CIAO3: variants seen among roughly 807,000 people sequenced by gnomAD.
CIAO3 encodes LET1 like/JFP15.
In CIAO3, 45 loss-of-function variants were observed where a neutral mutation model predicts 51.5. That is an observed-to-expected ratio of 0.87 (90% CI 0.69 to 1.12). CIAO3 has a LOEUF of 1.12. CIAO3 is among the 50% of genes most tolerant of loss of function. The probability of loss-of-function intolerance (pLI) is 0.00; values close to 1 mark genes in which losing one functional copy is unlikely to be tolerated. For synonymous variants in CIAO3, 314 were observed against 269.3 expected (o/e 1.17, Z -1.63); for missense variants, 668 against 632.5 (o/e 1.06, Z -0.60).
rs988890064 is a variant in CIAO3, at chr16:737,908, C to T, written c.163-579G>A. The T allele has an allele frequency of 1.7e-6, 2 of 1,182,216 alleles. No homozygotes were observed. Among genetic ancestry groups the T allele is most frequent in the Non-Finnish European group, 2.1e-6 (2 of 938,424 alleles). 73.2% of individuals were successfully genotyped at this position (1,182,216 alleles called of 1,614,324 possible). On this transcript the variant is annotated intron_variant, in intron 2 of 10. Transcript: ENST00000251588. The surrounding 1 kb of genome is among the most constrained non-coding windows in gnomAD (Gnocchi z 5.3). ...ACTTTTCTTACATGCAAAACGCACC[C>T]AGCTCGAGCTCCCCCAACTTCTCCT... is the stretch of plus-strand genomic sequence containing the variant.
At chr16:731,122 T>C in intron 9 of CIAO3, 122 bp from the exon 10 acceptor site, 2 of 1,274,032 alleles carry the variant, frequency 1.6e-6, no homozygotes, top group Non-Finnish European at 2.2e-6. Flanking sequence ...TCTCCCTCTC[T>C]CCTGGGCAGA....
Position 737,428 on chromosome 16 carries a change from G to A in CIAO3, c.163-99C>T, listed in dbSNP as rs2151603671. 1 of 1,586,758 alleles carries A rather than the reference G, an allele frequency of 6.3e-7. No individual in the cohort carries two copies. The highest frequency in any genetic ancestry group is 1.3e-5 in the African/African-American group (1 of 74,412). ...CAGCTCATAACCGACAACCAACATG[G>A]CTGCTGGCTGGGCTTGTGTGCCGCT... On this transcript the variant is annotated intron_variant, in intron 2 of 10. Transcript: ENST00000251588. The surrounding 1 kb of genome is among the most constrained non-coding windows in gnomAD (Gnocchi z 5.3).
intron 8 of CIAO3, 110 bp downstream of exon 8, chr16:732,191 T>C (rs1454086771): frequency 4.9e-6 from 6 of 1,213,164 alleles, no homozygotes; most frequent in Non-Finnish European, 7.0e-6. Context: ...CAGCCACTTC[T>C]GTGGACGCCA....
chr16:731,281 T>A (rs1328973433), intron 9 of CIAO3: 2 of 609,056 alleles, frequency 3.3e-6, no homozygotes, highest in Admixed American at 3.2e-5. Context: ...TGGGATGTGG[T>A]CGCGTGCCTG....
intron 9 of CIAO3, 81 bp downstream of exon 9, chr16:731,484 G>T: frequency 6.9e-7 from 1 of 1,440,028 alleles, no homozygotes. Context: ...TCTGTGGGAG[G>T]ACCCCAGGGG....
chr16:730,763 C>T, intron 10 of CIAO3, 80 bp downstream of exon 10: 1 of 1,585,220 alleles, frequency 6.3e-7, no homozygotes. Flanking sequence ...CCACTTCCTC[C>T]CACTCCCAGC....
chr16:734,996 C>G, intron 4 of CIAO3, 125 bp from the exon 5 acceptor site: 1 of 1,323,834 alleles, frequency 7.6e-7, no homozygotes, highest in Non-Finnish European at 1.0e-6. Context: ...GTGCCAAAGC[C>G]CCGGCCCCAC....
intron 4 of CIAO3, 135 bp from the exon 5 acceptor site, chr16:735,006 C>T: frequency 8.1e-7 from 1 of 1,239,216 alleles, no homozygotes; most frequent in Non-Finnish European, 1.1e-6. Flanking sequence ...CCCGGCCCCA[C>T]CGTGGGGACC....
chr16:732,765 T>C (rs1189719586), intron 7 of CIAO3: 1 of 347,954 alleles, frequency 2.9e-6, no homozygotes, highest in Non-Finnish European at 5.6e-6. Context: ...GCCTCCCGAG[T>C]AGCTGGGATT....
Position 737,921 on chromosome 16 carries a change from C to A in CIAO3, c.163-592G>T. 3.4e-6 allele frequency: 4 copies of A among 1,181,998 alleles called. No homozygotes were observed. The highest frequency in any genetic ancestry group is 4.3e-6 in the Non-Finnish European group (4 of 938,482). 73.2% of individuals were successfully genotyped at this position (1,181,998 alleles called of 1,614,324 possible). A position where few individuals can be genotyped will look rare whatever the true frequency, so the allele number is the denominator to read the frequency against. ...GCAAAACGCACCCAGCTCGAGCTCCCCCAACTTCTCCTGCAAAGGCAGGAA... is the reference window on the plus strand; with the variant it reads ...GCAAAACGCACCCAGCTCGAGCTCCACCAACTTCTCCTGCAAAGGCAGGAA... On this transcript the variant is annotated intron_variant, in intron 2 of 10. Coordinates refer to ENST00000251588, the MANE Select transcript of CIAO3 (RefSeq NM_022493.3). This position sits in a 1 kb window ranked among gnomAD's most constrained non-coding sequence, Gnocchi z 5.3.
chr16:738,930 C>T (rs1414083855), intron 2 of CIAO3, among the ~76,000 whole-genome samples: 1 of 149,410 alleles, frequency 6.7e-6, no homozygotes, highest in Admixed American at 6.6e-5. Context: ...AAGCGTGAGC[C>T]ACCGCGCCCA....
chr16:732,258 G>A (rs768257200), intron 8 of CIAO3, 43 bp downstream of exon 8: 12 of 1,563,240 alleles, frequency 7.7e-6, no homozygotes, highest in Admixed American at 1.7e-5. Context: ...CAGAGGCAGC[G>A]TTAGAAGCTA....
chr16:731,991 C>T (rs1596670231), intron 8 of CIAO3: 2 of 526,336 alleles, frequency 3.8e-6, no homozygotes, highest in East Asian at 6.7e-5. Flanking sequence ...GCCTCAACCT[C>T]CCAAGTAGCT....
chr16:733,546 C>T (rs2041306703), intron 6 of CIAO3, 119 bp from the exon 7 acceptor site: 2 of 1,456,558 alleles, frequency 1.4e-6, no homozygotes, highest in Non-Finnish European at 1.9e-6. Flanking sequence ...AGCCTCACTC[C>T]ATTTCCCAGC....
intron 4 of CIAO3, chr16:735,237 A>G (rs11864514): frequency 0.038 from 8,719 of 230,538 alleles, 790 homozygotes; most frequent in African/African-American, 0.19. Context: ...AGCTGGACGC[A>G]GCCTGCTGGA....
rs763136041 is a variant in CIAO3, at chr16:730,528, C to T, written c.1320G>A (p.Glu440=). ...TGCCCTGCAGCCAGTGTGTGTACAG[C>T]TCCTGAACCCCAGGCGCGTCCTCGG... ...EAPEDAPGVQ[E]LYTHWLQGTD... is the part of the protein sequence containing the mutation. The change falls in exon 11 of 11, where the codon GAG becomes GAA. Residue 440 remains glutamate, a synonymous_variant. Coordinates refer to ENST00000251588, the MANE Select transcript of CIAO3 (RefSeq NM_022493.3). The T allele has an allele frequency of 1.5e-5, 24 of 1,610,872 alleles. No individual in the cohort carries two copies. The Admixed American group carries it at 3.8e-4, about 26-fold the overall frequency.
At chr16:735,220 A>G (rs1053868905) in intron 4 of CIAO3, 2 of 254,238 alleles carry the variant, frequency 7.9e-6, no homozygotes, top group African/African-American at 2.2e-5. Flanking sequence ...GACCCTCCCT[A>G]GGGCACAGCT....
rs779221746 is a variant in CIAO3, at chr16:736,232, G to A, written c.439+34C>T. On this transcript the variant is annotated intron_variant, in intron 4 of 10. Coordinates refer to ENST00000251588, the MANE Select transcript of CIAO3 (RefSeq NM_022493.3). ...GCTTACTCAGACGCCCCCTTGATTT[G>A]GAGCGGCAGTGTTACCCCAGGTTCA... 11 of 1,611,014 alleles carry A rather than the reference G, an allele frequency of 6.8e-6. No homozygotes were observed. In the South Asian group the frequency reaches 7.7e-5, roughly 11 times the overall value.
Position 734,510 on chromosome 16 carries a change from C to G in CIAO3, c.575-163G>C, listed in dbSNP as rs1199766175. On this transcript the variant is annotated intron_variant, in intron 5 of 10. Coordinates refer to ENST00000251588, the MANE Select transcript of CIAO3 (RefSeq NM_022493.3). ...CTCCCCACCACCACGCGGAGCTCGG[C>G]GTGCAGGCGACACCGCCTAGGGACC... 7 of 872,218 alleles carry G rather than the reference C, an allele frequency of 8.0e-6. No homozygotes were observed. The African/African-American group carries it at 9.9e-5, about 12-fold the overall frequency. The allele number at this position is 872,218 out of a possible 1,614,324, so 54.0% of individuals were successfully genotyped here.
Sources: allele counts gnomAD v4.1 joint callset (sites outside exome capture counted in the v4.1 genomes callset), GRCh38; gene constraint gnomAD v4.1.1; non-coding constraint Gnocchi (gnomAD v3.1); transcripts MANE v1.5; gene names NCBI Gene and HGNC (gene_info 2026-07-23, HGNC 2026-07-21).